Variants in PTPRD observed in about 807,000 individuals in gnomAD.
The protein encoded by PTPRD is receptor-type tyrosine-protein phosphatase delta.
PTPRD carries 34 observed loss-of-function variants against 214.5 expected under a neutral mutation model. The observed-to-expected ratio is 0.16, with a 90% CI of 0.12 to 0.21. The LOEUF (loss-of-function observed/expected upper bound fraction) is 0.21, where lower values mean the gene tolerates loss of function less well. Among genes scored for constraint, PTPRD ranks in the 10% least tolerant of loss-of-function variants. PTPRD has a pLI of 1.00. For missense variants in PTPRD, 2,545 were observed against 2,398.7 expected, an observed-to-expected ratio of 1.06 and a Z score of -1.27; for synonymous variants, 1,128 against 845.7, an observed-to-expected ratio of 1.33 and a Z score of -5.79.
chr9:9,135,122 G>C (rs1162720370), intron 10 of PTPRD, among the ~76,000 whole-genome samples: 1 of 152,092 alleles, frequency 6.6e-6, no homozygotes, highest in East Asian at 1.9e-4. Flanking sequence ...AGTTGTGTCT[G>C]GAATTATAAC....
At chr9:9,970,622 T>C in intron 4 of PTPRD, among the ~76,000 whole-genome samples, 1 of 152,076 alleles carries the variant, frequency 6.6e-6, no homozygotes, top group East Asian at 1.9e-4. Context: ...AAGATTTGTA[T>C]GGATCTGTCA....
At chr9:9,890,548 G>C (rs10124543) in intron 5 of PTPRD, among the ~76,000 whole-genome samples, 2,021 of 152,084 alleles carry the variant, frequency 0.013, 29 homozygotes, top group African/African-American at 0.039. Flanking sequence ...TGTGGTTTCT[G>C]CCTTTTGATT....
chr9:9,074,906 CAAA>C (rs74564241), intron 10 of PTPRD, among the ~76,000 whole-genome samples: 3 of 132,996 alleles, frequency 2.3e-5, no homozygotes, highest in African/African-American at 2.7e-5. Context: ...GTATTTTGGG[CAAA>C]AAAAAAAAAG....
At chr9:9,009,373 G>C (rs1332809706) in intron 11 of PTPRD, among the ~76,000 whole-genome samples, 2 of 151,996 alleles carry the variant, frequency 1.3e-5, no homozygotes, top group African/African-American at 4.8e-5. Flanking sequence ...CCTAAAGGTA[G>C]TGTCTAAAGG....
At chr9:9,127,109 C>A (rs777618348) in intron 10 of PTPRD, among the ~76,000 whole-genome samples, 1 of 152,146 alleles carries the variant, frequency 6.6e-6, no homozygotes, top group South Asian at 2.1e-4. Flanking sequence ...CACACATACA[C>A]ACACAGGTAC....
chr9:10,474,887 C>T (rs143365710), intron 2 of PTPRD, among the ~76,000 whole-genome samples: 5 of 151,814 alleles, frequency 3.3e-5, no homozygotes, highest in African/African-American at 9.7e-5. Context: ...AATGACTACT[C>T]GGTAAATAAA....
chr9:9,980,725 A>G (rs2154065411), intron 4 of PTPRD, among the ~76,000 whole-genome samples: 1 of 151,676 alleles, frequency 6.6e-6, no homozygotes, highest in East Asian at 1.9e-4. Context: ...AAAAAAATTA[A>G]CACTGGATTA....
intron 2 of PTPRD, among the ~76,000 whole-genome samples, chr9:10,608,500 C>T (rs2080081610): frequency 2.0e-5 from 3 of 152,106 alleles, no homozygotes; most frequent in Admixed American, 2.0e-4. Flanking sequence ...CTCTTTCAAA[C>T]AAGATGGCTG....
At chr9:10,069,199 T>A (rs533320260) in intron 3 of PTPRD, among the ~76,000 whole-genome samples, 131 of 151,978 alleles carry the variant, frequency 8.6e-4, no homozygotes, top group Non-Finnish European at 1.6e-3. Context: ...TTTCCCCCAA[T>A]CTTCTGAATA....
At chr9:10,098,462 G>C (rs371930) in intron 3 of PTPRD, among the ~76,000 whole-genome samples, 53,314 of 151,070 alleles carry the variant, frequency 0.35, 10,252 homozygotes, top group East Asian at 0.53. Flanking sequence ...CCTGCACGTT[G>C]TGCACATGTA....
At chr9:9,521,935 A>G (rs1294997112) in intron 8 of PTPRD, among the ~76,000 whole-genome samples, 2 of 152,086 alleles carry the variant, frequency 1.3e-5, no homozygotes, top group Admixed American at 1.3e-4. Context: ...AGGCAGGTGG[A>G]TCACCTGAAG....
At chr9:10,588,361 A>G (rs1306793381) in intron 2 of PTPRD, among the ~76,000 whole-genome samples, 1 of 151,630 alleles carries the variant, frequency 6.6e-6, no homozygotes, top group Non-Finnish European at 1.5e-5. Flanking sequence ...ACTATCTTAC[A>G]AACTCTGTTC....
At chr9:9,571,279 A>G (rs183842562) in intron 8 of PTPRD, among the ~76,000 whole-genome samples, 2 of 151,500 alleles carry the variant, frequency 1.3e-5, no homozygotes, top group East Asian at 3.9e-4. Context: ...TGAAAATTTT[A>G]AAACAAACAA....
chr9:10,473,452 TAATC>T lies in PTPRD; in HGVS notation c.-599-132439_-599-132436del, dbSNP rs954548878. 1.1e-4 allele frequency among the ~76,000 whole-genome samples: 16 copies of T among 152,084 alleles called. No individual in the cohort carries two copies. The South Asian group carries it at 1.4e-3, about 14-fold the overall frequency. On this transcript the variant is annotated intron_variant, in intron 2 of 45. Transcript: ENST00000381196. ...ACAATAGTGAACTTGGAAGAAGAGA[TAATC>T]TATCAATCTCATATTCCAACTATAA...
intron 10 of PTPRD, among the ~76,000 whole-genome samples, chr9:9,093,415 G>A (rs1020120246): frequency 1.3e-5 from 2 of 151,854 alleles, no homozygotes; most frequent in African/African-American, 2.4e-5. Context: ...TATTCACCAT[G>A]ATAAACCATA....
chr9:9,786,364 A>C (rs1047970957), intron 5 of PTPRD, among the ~76,000 whole-genome samples: 1 of 152,256 alleles, frequency 6.6e-6, no homozygotes, highest in Non-Finnish European at 1.5e-5. Flanking sequence ...GGAAAACTTT[A>C]TTAGCATCGA....
intron 11 of PTPRD, among the ~76,000 whole-genome samples, chr9:8,834,182 T>G (rs1472628108): frequency 6.6e-6 from 1 of 152,116 alleles, no homozygotes; most frequent in Non-Finnish European, 1.5e-5. Flanking sequence ...AATTCAATAG[T>G]TCAAGGGAAA....
chr9:10,033,919 A>G (rs758923913), intron 3 of PTPRD, 129 bp from the exon 4 acceptor site: 3 of 152,156 alleles, frequency 2.0e-5, no homozygotes, highest in Non-Finnish European at 4.4e-5. Flanking sequence ...TGAAATTAAC[A>G]AATTAGGGCT....
chr9:10,575,672 C>A (rs1024761275), intron 2 of PTPRD, among the ~76,000 whole-genome samples: 9 of 152,014 alleles, frequency 5.9e-5, no homozygotes, highest in African/African-American at 2.2e-4. Context: ...TGATTACAAA[C>A]CTTATTAAGT....
Sources: gnomAD v4.1 joint callset for allele counts (sites outside exome capture counted in the v4.1 genomes callset) on GRCh38, gnomAD v4.1.1 for gene constraint, MANE v1.5 for transcripts, NCBI Gene and HGNC (gene_info 2026-07-23, HGNC 2026-07-21) for gene names.